Variants in NMD3 observed in about 807,000 individuals in gnomAD.
NMD3 encodes 60S ribosomal export protein NMD3.
NMD3 carries 47 observed loss-of-function variants against 73.1 expected under a neutral mutation model. That is an observed-to-expected ratio of 0.64 (90% CI 0.51 to 0.82). The LOEUF (loss-of-function observed/expected upper bound fraction) is 0.82, where lower values mean the gene tolerates loss of function less well. Among genes scored for constraint, NMD3 ranks in the 40% least tolerant of loss-of-function variants. The pLI is 0.00. For missense variants in NMD3, 554 were observed against 612.5 expected (o/e 0.90, Z 1.01); for synonymous variants, 210 against 194.5 (o/e 1.08, Z -0.66).
At chr3:161,238,027 G>A (rs1205741712) in intron 7 of NMD3, 86 bp from the exon 8 acceptor site, 1 of 867,572 alleles carries the variant, frequency 1.2e-6, no homozygotes, top group Non-Finnish European at 1.8e-6. Flanking sequence ...GTTTAAAACA[G>A]ATGTAATTTA....
intron 4 of NMD3, among the ~76,000 whole-genome samples, chr3:161,233,108 A>G (rs1377531772): frequency 1.7e-5 from 2 of 119,062 alleles, no homozygotes; most frequent in Non-Finnish European, 3.3e-5. Context: ...TTAAAGGACA[A>G]TGTACTTTTT....
downstream of NMD3, among the ~76,000 whole-genome samples, chr3:161,252,592 A>G (rs1737532656): frequency 6.6e-6 from 1 of 152,220 alleles, no homozygotes; most frequent in African/African-American, 2.4e-5. Flanking sequence ...TAAATCTACC[A>G]TACTATATAG....
intron 4 of NMD3, among the ~76,000 whole-genome samples, chr3:161,228,418 T>A (rs985082229): frequency 3.9e-5 from 6 of 152,208 alleles, no homozygotes; most frequent in Non-Finnish European, 7.3e-5. Context: ...TGATTTTTAC[T>A]TTATCTTCTA....
At chr3:161,226,838 G>A (rs945492746) in intron 3 of NMD3, among the ~76,000 whole-genome samples, 17 of 152,168 alleles carry the variant, frequency 1.1e-4, no homozygotes, top group African/African-American at 3.9e-4. Flanking sequence ...GTGTTGTGAG[G>A]TACTAATGTA....
chr3:161,245,105 T>A (rs2108098601), intron 11 of NMD3, among the ~76,000 whole-genome samples: 1 of 151,854 alleles, frequency 6.6e-6, no homozygotes, highest in South Asian at 2.1e-4. Flanking sequence ...TGGCTTCTTT[T>A]ACTGTGAAAT....
At chr3:161,241,432 T>TC (rs1376474102) in intron 10 of NMD3, among the ~76,000 whole-genome samples, 1 of 150,450 alleles carries the variant, frequency 6.6e-6, no homozygotes, top group East Asian at 1.9e-4. Context: ...TTTTTTTTTT[T>TC]TTTTTTGAGA....
At chr3:161,233,264 A>T (rs1045131203) in intron 4 of NMD3, 135 bp from the exon 5 acceptor site, 1 of 468,148 alleles carries the variant, frequency 2.1e-6, no homozygotes, top group Non-Finnish European at 3.8e-6. Context: ...TTTTTTTGTG[A>T]TGATGGTGTG....
intron 14 of NMD3, 34 bp downstream of exon 14, chr3:161,249,594 C>A: frequency 7.9e-7 from 1 of 1,262,510 alleles, no homozygotes; most frequent in East Asian, 2.4e-5. Context: ...TATGTTGTCT[C>A]AAAGGAAATA....
intron 7 of NMD3, among the ~76,000 whole-genome samples, chr3:161,237,191 T>C (rs1736790869): frequency 6.6e-6 from 1 of 152,214 alleles, no homozygotes; most frequent in Non-Finnish European, 1.5e-5. Flanking sequence ...CTGTTTAGGA[T>C]TTATTGAAAT....
chr3:161,224,836 C>G (rs1478723632), intron 2 of NMD3, 94 bp from the exon 3 acceptor site: 1 of 1,267,496 alleles, frequency 7.9e-7, no homozygotes, highest in Non-Finnish European at 1.1e-6. Flanking sequence ...ATGCTGTGGC[C>G]TAACTTGAAG....
chr3:161,226,379 C>G (rs1425462138), intron 3 of NMD3, among the ~76,000 whole-genome samples: 1 of 137,492 alleles, frequency 7.3e-6, no homozygotes, highest in Non-Finnish European at 1.6e-5. Context: ...ACCCGAGAGG[C>G]AGAGGTTGCA....
intron 4 of NMD3, among the ~76,000 whole-genome samples, chr3:161,229,781 A>T (rs957691261): frequency 2.6e-5 from 4 of 152,148 alleles, no homozygotes; most frequent in Non-Finnish European, 5.9e-5. Context: ...GACTGAAAGG[A>T]GCTGCTAGGA....
At chr3:161,250,661 A>G in intron 15 of NMD3, 119 bp from the exon 16 acceptor site, 1 of 644,348 alleles carries the variant, frequency 1.6e-6, no homozygotes, top group Non-Finnish European at 2.5e-6. Context: ...AGCTTCTGAT[A>G]CAATGTAGTT....
intron 14 of NMD3, 88 bp downstream of exon 14, chr3:161,249,648 A>G (rs1273858462): frequency 1.2e-6 from 1 of 803,748 alleles, no homozygotes; most frequent in African/African-American, 1.7e-5. Context: ...TAGGCATCAC[A>G]CAATTGATCC....
chr3:161,242,385 G>C (rs1376665124), intron 10 of NMD3, 123 bp from the exon 11 acceptor site: 4 of 792,076 alleles, frequency 5.1e-6, no homozygotes, highest in Non-Finnish European at 8.0e-6. Context: ...GGAGTGAGTT[G>C]ACACTAGTTC....
chr3:161,235,788 A>G (rs1277356182), intron 7 of NMD3, among the ~76,000 whole-genome samples: 1 of 152,090 alleles, frequency 6.6e-6, no homozygotes, highest in South Asian at 2.1e-4. Context: ...AAACCATTTC[A>G]TCTAGCTTTT....
At chr3:161,232,873 A>G (rs190175453) in intron 4 of NMD3, among the ~76,000 whole-genome samples, 129 of 152,124 alleles carry the variant, frequency 8.5e-4, no homozygotes, top group African/African-American at 3.0e-3. Flanking sequence ...AGATCTTCAC[A>G]TATAGCAAAC....
Position 161,235,321 on chromosome 3 carries a change from C to A in NMD3, c.577+109C>A, listed in dbSNP as rs111267349. On this transcript the variant is annotated intron_variant, in intron 7 of 15. Transcript: ENST00000351193. Reference sequence around the variant, plus strand: ...TCTGGATTAGTACTGTCCAAAAGAACTTTCTGTTAGGAAAAAAAAAAAAAA... The same window carrying A: ...TCTGGATTAGTACTGTCCAAAAGAAATTTCTGTTAGGAAAAAAAAAAAAAA... The A allele has an allele frequency of 1.6e-3, 650 of 408,186 alleles. 4 individuals carry two copies. Among genetic ancestry groups the A allele is most frequent in the African/African-American group, 0.013 (594 of 45,594 alleles). 25.3% of individuals were successfully genotyped at this position (408,186 alleles called of 1,614,324 possible). A position where few individuals can be genotyped will look rare whatever the true frequency, so the allele number is the denominator to read the frequency against.
At chr3:161,245,142 T>TTGTGTG (rs35840926) in intron 11 of NMD3, among the ~76,000 whole-genome samples, 4 of 149,372 alleles carry the variant, frequency 2.7e-5, no homozygotes, top group East Asian at 2.0e-4. Context: ...CAGGGTACCC[T>TTGTGTG]TGTGTGTGTG....
Sources: gnomAD v4.1 joint callset for allele counts (sites outside exome capture counted in the v4.1 genomes callset) on GRCh38, gnomAD v4.1.1 for gene constraint, MANE v1.5 for transcripts, NCBI Gene and HGNC (gene_info 2026-07-23, HGNC 2026-07-21) for gene names.